Variants in AKT3 observed in about 807,000 individuals in gnomAD.
AKT3 encodes the protein AKT serine/threonine kinase 3, also known as RAC-gamma serine/threonine-protein kinase.
AKT3 carries 15 observed loss-of-function variants against 65.3 expected under a neutral mutation model. That is an observed-to-expected ratio of 0.23 (90% confidence interval 0.15 to 0.35). The LOEUF (loss-of-function observed/expected upper bound fraction) is 0.35. Ranked by LOEUF, AKT3 falls within the 10% of genes least tolerant of loss-of-function variation. The pLI is 1.00. For synonymous variants in AKT3, 206 were observed against 183.8 expected (o/e 1.12, Z -0.98); for missense variants, 243 against 576.5 (o/e 0.42, Z 5.92).
At chr1:243,522,115 G>GT (rs1670757022) in intron 12 of AKT3, among the ~76,000 whole-genome samples, 1 of 152,184 alleles carries the variant, frequency 6.6e-6, no homozygotes, top group African/African-American at 2.4e-5. Flanking sequence ...GCACCTAGTA[G>GT]TGTTAAAGGA....
chr1:243,604,940 T>C (rs549339182), intron 8 of AKT3, among the ~76,000 whole-genome samples: 1 of 152,330 alleles, frequency 6.6e-6, no homozygotes, highest in Non-Finnish European at 1.5e-5. Context: ...AGAACGGTAT[T>C]ACACTGGAGA....
intron 2 of AKT3, among the ~76,000 whole-genome samples, chr1:243,838,764 AC>A (rs1227090313): frequency 6.6e-6 from 1 of 152,170 alleles, no homozygotes; most frequent in Non-Finnish European, 1.5e-5. Flanking sequence ...ATCTAAATAA[AC>A]CATTTCATGG....
At chr1:243,567,958 C>T (rs1203664484) in intron 9 of AKT3, among the ~76,000 whole-genome samples, 4 of 152,150 alleles carry the variant, frequency 2.6e-5, no homozygotes, top group Non-Finnish European at 4.4e-5. Context: ...CAAAGCATAT[C>T]AATGGCCTAG....
chr1:243,706,773 T>G (rs1485330213), intron 2 of AKT3, among the ~76,000 whole-genome samples: 1 of 152,188 alleles, frequency 6.6e-6, no homozygotes, highest in Non-Finnish European at 1.5e-5. Context: ...GTGCTCAGGC[T>G]TCACTTACAG....
At chr1:243,678,909 A>C (rs750889612) in intron 3 of AKT3, among the ~76,000 whole-genome samples, 3 of 152,120 alleles carry the variant, frequency 2.0e-5, no homozygotes, top group Non-Finnish European at 4.4e-5. Flanking sequence ...ATTTTTTTCA[A>C]TAATAGTACA....
intron 6 of AKT3, chr1:243,624,718 A>G (rs1284691387): frequency 5.0e-6 from 1 of 200,140 alleles, no homozygotes; most frequent in Non-Finnish European, 1.1e-5. Flanking sequence ...AGTCATAACC[A>G]TTTCACCATA....
At chr1:243,834,060 G>A (rs1281767273) in intron 2 of AKT3, among the ~76,000 whole-genome samples, 3 of 152,004 alleles carry the variant, frequency 2.0e-5, no homozygotes, top group East Asian at 1.9e-4. Flanking sequence ...GATAGCTGGT[G>A]GGAATGTAAA....
chr1:243,500,085 T>C lies in AKT3; in HGVS notation c.*5164A>G, dbSNP rs941385064. On this transcript the variant is annotated 3_prime_UTR_variant, in exon 14 of 14. Transcript: ENST00000673466. The stretch of plus-strand genomic sequence containing the variant: ...ATATGATTTTCAATAAATGAACTTT[T>C]TAAAGACTTGAGTTGTAATGTTTCC... The C allele has an allele frequency of 2.4e-6, 1 of 421,210 alleles. No individual in the cohort carries two copies. The highest frequency in any genetic ancestry group is 2.0e-5 in the African/African-American group (1 of 51,226). 26.1% of individuals were successfully genotyped at this position (421,210 alleles called of 1,614,324 possible).
chr1:243,680,830 A>G (rs985713714), intron 3 of AKT3, among the ~76,000 whole-genome samples: 1 of 152,212 alleles, frequency 6.6e-6, no homozygotes, highest in African/African-American at 2.4e-5. Context: ...CTAGTGAATC[A>G]TCTACATTAA....
At chr1:243,628,105 T>C (rs1679317633) in intron 6 of AKT3, among the ~76,000 whole-genome samples, 1 of 152,212 alleles carries the variant, frequency 6.6e-6, no homozygotes, top group African/African-American at 2.4e-5. Context: ...GAGAGACGAT[T>C]ATTGGTTTGC....
intron 2 of AKT3, among the ~76,000 whole-genome samples, chr1:243,722,439 C>T (rs144199109): frequency 1.3e-5 from 2 of 152,182 alleles, no homozygotes; most frequent in African/African-American, 4.8e-5. Context: ...GAATAAAATG[C>T]TAAGGGGAAA....
intron 2 of AKT3, chr1:243,702,985 C>T (rs1685562705): frequency 6.6e-6 from 1 of 152,140 alleles, no homozygotes; most frequent in Admixed American, 6.5e-5. Flanking sequence ...AATGTACATG[C>T]TTCAAGAAAC....
intron 2 of AKT3, among the ~76,000 whole-genome samples, chr1:243,736,754 C>G (rs139082644): frequency 2.6e-5 from 4 of 152,232 alleles, no homozygotes; most frequent in Admixed American, 2.0e-4. Flanking sequence ...AACAGACGTA[C>G]TAAGACTTTG....
intron 2 of AKT3, among the ~76,000 whole-genome samples, chr1:243,749,361 G>A (rs1186586380): frequency 6.6e-6 from 1 of 151,928 alleles, no homozygotes; most frequent in East Asian, 1.9e-4. Flanking sequence ...AAGGAATCAT[G>A]CCACATCTTC....
chr1:243,491,432 G>A (rs1038405987), intron 13 of AKT3, among the ~76,000 whole-genome samples: 2 of 152,158 alleles, frequency 1.3e-5, no homozygotes, highest in African/African-American at 4.8e-5. Context: ...TATTACACTT[G>A]GAGTTATTTT....
chr1:243,646,513 CCTGA>C (rs1421329258), intron 4 of AKT3, among the ~76,000 whole-genome samples: 2 of 151,920 alleles, frequency 1.3e-5, no homozygotes, highest in Admixed American at 6.6e-5. Flanking sequence ...TGACACAATG[CCTGA>C]CTAATTTTTG....
chr1:243,694,174 A>G (rs960129621), intron 3 of AKT3, among the ~76,000 whole-genome samples: 2 of 152,182 alleles, frequency 1.3e-5, no homozygotes, highest in African/African-American at 2.4e-5. Flanking sequence ...AGAAAAACCA[A>G]TAACATTTGC....
intron 3 of AKT3, among the ~76,000 whole-genome samples, chr1:243,680,407 G>A (rs1683828323): frequency 6.6e-6 from 1 of 152,004 alleles, no homozygotes; most frequent in Non-Finnish European, 1.5e-5. Context: ...CTTCCAAACA[G>A]GCACCCTAGT....
At chr1:243,702,871 TATAAATG>T (rs1685555608) in intron 2 of AKT3, 1 of 152,190 alleles carries the variant, frequency 6.6e-6, no homozygotes, top group South Asian at 2.1e-4. Flanking sequence ...TCTGAATTTT[TATAAATG>T]ATACACACAA....
Sources: allele counts gnomAD v4.1 joint callset (sites outside exome capture counted in the v4.1 genomes callset), GRCh38; gene constraint gnomAD v4.1.1; transcripts MANE v1.5; gene names NCBI Gene and HGNC (gene_info 2026-07-23, HGNC 2026-07-21).